Variants in ATXN7 observed in about 807,000 individuals in gnomAD.
ATXN7 encodes the protein ataxin 7.
A neutral mutation model predicts 70.5 loss-of-function variants in ATXN7; 12 were observed. The ratio of observed to expected loss-of-function variants is 0.17; its 90% CI spans 0.11 to 0.28. The LOEUF is 0.28. ATXN7 is among the 10% of genes least tolerant of loss of function. The pLI, the probability that ATXN7 is intolerant of heterozygous loss-of-function variation, is 1.00. For missense variants in ATXN7, 1,256 were observed against 1,131.7 expected (o/e 1.11, Z -1.58); for synonymous variants, 498 against 448.7 (o/e 1.11, Z -1.39).
At chr3:63,955,891 A>T (rs147316660) in intron 5 of ATXN7, among the ~76,000 whole-genome samples, 1 of 152,248 alleles carries the variant, frequency 6.6e-6, no homozygotes, top group African/African-American at 2.4e-5. Flanking sequence ...ACAAGAAAAC[A>T]TGCTACCGTG....
chr3:63,866,682 A>G (rs1316563718), intron 1 of ATXN7, among the ~76,000 whole-genome samples: 1 of 152,200 alleles, frequency 6.6e-6, no homozygotes, highest in Non-Finnish European at 1.5e-5. Context: ...TTGAACATTT[A>G]AGAATTGTCT....
Position 63,908,773 on chromosome 3 carries a change from A to T in ATXN7, c.-11-3815A>T, listed in dbSNP as rs114359271. Among the ~76,000 whole-genome samples, 449 of 152,290 alleles carry T rather than the reference A, an allele frequency of 2.9e-3. 2 individuals carry two copies. The highest frequency in any genetic ancestry group is 9.6e-3 in the African/African-American group (399 of 41,550). ...TACATTGTGATACCTTTGGCCTTGG[A>T]ACAAAACATTTTATGAGTGCAAAGA... is the stretch of plus-strand genomic sequence containing the variant. On this transcript the variant is annotated intron_variant, in intron 2 of 12. Coordinates refer to ENST00000674280, the MANE Select transcript of ATXN7 (RefSeq NM_001377405.1).
chr3:63,996,585 G>A, intron 12 of ATXN7, 102 bp downstream of exon 12: 3 of 642,396 alleles, frequency 4.7e-6, no homozygotes, highest in Non-Finnish European at 7.2e-6. Context: ...TGGTTGGTTT[G>A]TAAACAGATA....
intron 4 of ATXN7, among the ~76,000 whole-genome samples, chr3:63,916,407 T>C (rs1445913954): frequency 6.6e-6 from 1 of 152,212 alleles, no homozygotes; most frequent in Non-Finnish European, 1.5e-5. Flanking sequence ...CCTTGGATTC[T>C]CAAAAGGATC....
chr3:63,917,317 A>G (rs1274726805), intron 4 of ATXN7, among the ~76,000 whole-genome samples: 1 of 152,160 alleles, frequency 6.6e-6, no homozygotes, highest in Non-Finnish European at 1.5e-5. Flanking sequence ...TTTTTCCCCC[A>G]AGGTGATTTG....
Position 63,912,811 on chromosome 3 carries a change from G to T in ATXN7, c.213G>T (p.Ser71=). The change falls in exon 3 of 13, where the codon TCG becomes TCT. Residue 71 remains serine, a synonymous_variant. Coordinates refer to ENST00000674280, the MANE Select transcript of ATXN7 (RefSeq NM_001377405.1). ...GCGGGCCCGGCGCCGCCTCCACCTC[G>T]GCCGCCGCAATGGCGACGGTCGGGG... ...EDGGPGAAST[S]AAAMATVGER... The T allele has an allele frequency of 1.3e-6, 2 of 1,564,838 alleles. No homozygotes were observed. Among genetic ancestry groups the T allele is most frequent in the Non-Finnish European group, 1.7e-6 (2 of 1,158,728 alleles).
intron 4 of ATXN7, among the ~76,000 whole-genome samples, chr3:63,941,150 C>T (rs1279664362): frequency 6.6e-6 from 1 of 152,148 alleles, no homozygotes. Flanking sequence ...TGTTAGGGGT[C>T]ACTATTGATA....
intron 1 of ATXN7, among the ~76,000 whole-genome samples, chr3:63,883,739 CCAAGGAAGTAT>C (rs1437293622): frequency 6.6e-6 from 1 of 151,994 alleles, no homozygotes; most frequent in Non-Finnish European, 1.5e-5. Context: ...AGAGTTGACA[CCAAGGAAGTAT>C]CATTTAGTAT....
intron 4 of ATXN7, among the ~76,000 whole-genome samples, chr3:63,935,467 C>G (rs960362077): frequency 6.6e-6 from 1 of 152,132 alleles, no homozygotes; most frequent in African/African-American, 2.4e-5. Context: ...AAGCTATTCA[C>G]ACACACTCGA....
In ATXN7 at chr3:63,996,383, C is replaced by A. The variant is rs201420100; in HGVS notation, c.2561C>A (p.Thr854Lys). 3.7e-6 allele frequency: 6 copies of A among 1,614,160 alleles called. No individual in the cohort carries two copies. The highest frequency in any genetic ancestry group is 5.1e-6 in the Non-Finnish European group (6 of 1,180,028). The change falls in exon 12 of 13, where the codon ACA (threonine) becomes AAA (lysine). Residue 854 changes from threonine to lysine, a missense_variant. Transcript: ENST00000674280. ...SSINNSSSKPTKVAKVPAVNN... is the reference protein window; with the variant it reads ...SSINNSSSKPKKVAKVPAVNN... Reference sequence around the variant, plus strand: ...ATCAACAACAGCAGCAGCAAACCCACAAAGGTTGCCAAAGTGCCAGCCGTG... The same window carrying A: ...ATCAACAACAGCAGCAGCAAACCCAAAAAGGTTGCCAAAGTGCCAGCCGTG...
intron 2 of ATXN7, among the ~76,000 whole-genome samples, chr3:63,908,070 C>T (rs1251094324): frequency 6.6e-6 from 1 of 152,088 alleles, no homozygotes; most frequent in African/African-American, 2.4e-5. Context: ...GCAAATGATG[C>T]ATTTTACTAT....
intron 2 of ATXN7, among the ~76,000 whole-genome samples, chr3:63,910,817 AAAAT>A (rs1214540100): frequency 6.6e-6 from 1 of 152,098 alleles, no homozygotes; most frequent in African/African-American, 2.4e-5. Context: ...AAATCTTTCT[AAAAT>A]AAAAATGTGT....
intron 4 of ATXN7, among the ~76,000 whole-genome samples, chr3:63,921,269 C>T (rs551596862): frequency 6.6e-6 from 1 of 152,232 alleles, no homozygotes; most frequent in South Asian, 2.1e-4. Flanking sequence ...AACTATTTCC[C>T]TCCCAGGTTA....
Position 64,003,205 on chromosome 3 carries a change from C to CTTTTTTTTTTTTTT in ATXN7, c.*3749_*3762dup, listed in dbSNP as rs754267860. On this transcript the variant is annotated 3_prime_UTR_variant, in exon 13 of 13. Transcript: ENST00000674280. ...AATGTAGGGCCTTGAAAGCATTTTG[C>CTTTTTTTTTTTTTT]TTTTTTTTTTTTTTTTTTTTTTTTG... 6 of 75,514 alleles carry CTTTTTTTTTTTTTT rather than the reference C, an allele frequency of 7.9e-5. 1 individual carries two copies. The East Asian group carries it at 1.7e-3, about 22-fold the overall frequency. The allele number at this position is 75,514 out of a possible 1,614,324, so 4.7% of individuals were successfully genotyped here. A position where few individuals can be genotyped will look rare whatever the true frequency, so the allele number is the denominator to read the frequency against.
Position 63,999,573 on chromosome 3 carries a change from ACCT to A in ATXN7, c.*110_*112del. The A allele has an allele frequency of 6.4e-7, 1 of 1,565,374 alleles. No homozygotes were observed. The highest frequency in any genetic ancestry group is 1.9e-5 in the Admixed American group (1 of 53,372). On this transcript the variant is annotated 3_prime_UTR_variant, in exon 13 of 13. Coordinates refer to ENST00000674280, the MANE Select transcript of ATXN7 (RefSeq NM_001377405.1). ...CGATGCCTTTGAGTCTGTTTTCCCA[ACCT>A]CCTGTGGGCCTCAAGGGTAGAAACC...
chr3:63,920,496 G>A (rs1046828855), intron 4 of ATXN7, among the ~76,000 whole-genome samples: 1 of 152,184 alleles, frequency 6.6e-6, no homozygotes, highest in African/African-American at 2.4e-5. Context: ...GCCCTTTCCA[G>A]AATGTACATG....
intron 1 of ATXN7, among the ~76,000 whole-genome samples, chr3:63,876,969 C>G (rs566062945): frequency 6.6e-6 from 1 of 152,246 alleles, no homozygotes; most frequent in African/African-American, 2.4e-5. Flanking sequence ...CTTGAAGCAT[C>G]TAAATTGTCT....
At chr3:63,998,201 G>GGA (rs200142702) in intron 12 of ATXN7, 6 of 692,990 alleles carry the variant, frequency 8.7e-6, no homozygotes, top group African/African-American at 2.8e-5. Flanking sequence ...AAGGACAGAA[G>GGA]GGGGGGGGGC....
chr3:63,893,656 C>G (rs2107252172), intron 1 of ATXN7, among the ~76,000 whole-genome samples: 1 of 152,300 alleles, frequency 6.6e-6, no homozygotes, highest in South Asian at 2.1e-4. Flanking sequence ...GAAATGTACT[C>G]AAGAAACCCA....
Sources: gnomAD v4.1 joint callset for allele counts (sites outside exome capture counted in the v4.1 genomes callset) on GRCh38, gnomAD v4.1.1 for gene constraint, MANE v1.5 for transcripts, NCBI Gene and HGNC (gene_info 2026-07-23, HGNC 2026-07-21) for gene names.